Variants in GRM1 observed in about 807,000 individuals in gnomAD.
GRM1 encodes glutamate metabotropic receptor 1.
A neutral mutation model predicts 90.9 loss-of-function variants in GRM1; 33 were observed. That is an observed-to-expected ratio of 0.36 (90% CI 0.28 to 0.49). The LOEUF is 0.49. GRM1 is among the 20% of genes least tolerant of loss of function. The pLI is 0.99. For synonymous variants in GRM1, 700 were observed against 613.2 expected (o/e 1.14, Z -2.09); for missense variants, 1,190 against 1,534.3 (o/e 0.78, Z 3.75).
chr6:146,428,847 C>G (rs1002640157), intron 7 of GRM1, among the ~76,000 whole-genome samples: 1 of 152,118 alleles, frequency 6.6e-6, no homozygotes, highest in African/African-American at 2.4e-5. Flanking sequence ...GAATTCTATT[C>G]TTTAATATGA....
intron 2 of GRM1, among the ~76,000 whole-genome samples, chr6:146,253,104 G>A (rs987824912): frequency 6.6e-6 from 1 of 151,970 alleles, no homozygotes; most frequent in African/African-American, 2.4e-5. Context: ...AAAAATATTA[G>A]AATTTATTAT....
chr6:146,402,423 T>C (rs1246968867), intron 7 of GRM1, among the ~76,000 whole-genome samples: 1 of 152,200 alleles, frequency 6.6e-6, no homozygotes, highest in Non-Finnish European at 1.5e-5. Flanking sequence ...TACCTTTTTA[T>C]TGCCATTTTA....
chr6:146,305,967 A>G (rs1448023358), intron 3 of GRM1, among the ~76,000 whole-genome samples: 5 of 152,218 alleles, frequency 3.3e-5, no homozygotes, highest in East Asian at 1.9e-4. Flanking sequence ...GGCTAATTAC[A>G]TAAAATATTT....
At chr6:146,164,307 T>C (rs1161845779) in intron 2 of GRM1, among the ~76,000 whole-genome samples, 1 of 152,190 alleles carries the variant, frequency 6.6e-6, no homozygotes, top group Non-Finnish European at 1.5e-5. Context: ...AACTTACTAC[T>C]GAACCATATT....
At chr6:146,278,176 G>A (rs1782441087) in intron 2 of GRM1, among the ~76,000 whole-genome samples, 1 of 151,918 alleles carries the variant, frequency 6.6e-6, no homozygotes, top group South Asian at 2.1e-4. Context: ...ATATTTATTT[G>A]GAAGACTCAT....
At chr6:146,355,473 T>C (rs1339644685) in intron 4 of GRM1, among the ~76,000 whole-genome samples, 1 of 152,214 alleles carries the variant, frequency 6.6e-6, no homozygotes, top group Non-Finnish European at 1.5e-5. Flanking sequence ...AAGTGCATTT[T>C]GTTTACCTGG....
chr6:146,064,548 A>G (rs953842119), intron 1 of GRM1, among the ~76,000 whole-genome samples: 1 of 152,178 alleles, frequency 6.6e-6, no homozygotes, highest in African/African-American at 2.4e-5. Flanking sequence ...CTAAAATATG[A>G]TAATGCTTTT....
chr6:146,246,726 C>T (rs1781072465), intron 2 of GRM1, among the ~76,000 whole-genome samples: 1 of 152,104 alleles, frequency 6.6e-6, no homozygotes, highest in Non-Finnish European at 1.5e-5. Context: ...AAATAGGTAT[C>T]TGGATAATAG....
intron 1 of GRM1, among the ~76,000 whole-genome samples, chr6:146,066,947 A>G (rs1258407987): frequency 1.3e-5 from 2 of 152,152 alleles, no homozygotes; most frequent in African/African-American, 2.4e-5. Flanking sequence ...ATGTTAACAT[A>G]TTTATTCAGT....
At chr6:146,141,737 A>T (rs1188547642) in intron 1 of GRM1, among the ~76,000 whole-genome samples, 1 of 151,998 alleles carries the variant, frequency 6.6e-6, no homozygotes, top group East Asian at 1.9e-4. Context: ...ATTCTTTTTA[A>T]TTATTTCAAT....
chr6:146,370,125 G>A (rs1447565514), intron 5 of GRM1, among the ~76,000 whole-genome samples: 1 of 151,992 alleles, frequency 6.6e-6, no homozygotes, highest in African/African-American at 2.4e-5. Flanking sequence ...TGTTTCATCT[G>A]ATATGAGTAT....
rs567897848 is a variant in GRM1 at position 146,401,678 on chromosome 6, T to G, written c.2660+1979T>G. Among the ~76,000 whole-genome samples, 48 of 152,320 alleles carry G rather than the reference T, an allele frequency of 3.2e-4. 3 individuals carry two copies. The South Asian group carries it at 8.5e-3, about 27-fold the overall frequency. The stretch of plus-strand genomic sequence containing the variant: ...TTATTATGGTTCTTCAGAAGCTTCC[T>G]TGTAATTTTTAGGTATGGGTCATTT... On this transcript the variant is annotated intron_variant, in intron 7 of 7. Coordinates refer to ENST00000282753, the MANE Select transcript of GRM1 (RefSeq NM_001278064.2).
chr6:146,363,783 C>T (rs1401605282), intron 5 of GRM1, among the ~76,000 whole-genome samples: 3 of 152,198 alleles, frequency 2.0e-5, no homozygotes, highest in Non-Finnish European at 2.9e-5. Flanking sequence ...TGGAAATCAG[C>T]TAGATGAACT....
chr6:146,425,209 T>C (rs1415665728), intron 7 of GRM1, among the ~76,000 whole-genome samples: 3 of 152,238 alleles, frequency 2.0e-5, no homozygotes, highest in Non-Finnish European at 4.4e-5. Context: ...TCTGTTACAT[T>C]CAATGTGCTA....
chr6:146,373,776 T>G (rs1775991607), intron 5 of GRM1, among the ~76,000 whole-genome samples: 1 of 152,146 alleles, frequency 6.6e-6, no homozygotes, highest in Non-Finnish European at 1.5e-5. Context: ...AGTCCTTAGG[T>G]TTTCCCAAAT....
In GRM1 at chr6:146,434,486, C is replaced by T. The variant is rs1285341604; in HGVS notation, c.3275C>T (p.Pro1092Leu). ...LSTFGEELVSPPADDDDDSER... is the reference protein window; with the variant it reads ...LSTFGEELVSLPADDDDDSER... ...ACCTTTGGGGAGGAGCTGGTCTCCC[C>T]GCCCGCGGACGACGACGACGACAGC... is the stretch of plus-strand genomic sequence containing the variant. Residue 1092 changes from proline (P) to leucine (L), a missense_variant, in exon 8 of 8, where the codon CCG (proline) becomes CTG (leucine). Coordinates refer to ENST00000282753, the MANE Select transcript of GRM1 (RefSeq NM_001278064.2). 2.5e-6 allele frequency: 4 copies of T among 1,613,956 alleles called. No homozygotes were observed. The highest frequency in any genetic ancestry group is 1.1e-5 in the South Asian group (1 of 91,088).
intron 1 of GRM1, among the ~76,000 whole-genome samples, chr6:146,068,951 T>C (rs1166636293): frequency 6.6e-6 from 1 of 152,244 alleles, no homozygotes; most frequent in Non-Finnish European, 1.5e-5. Context: ...ATTTTTAATA[T>C]GAAATTTATG....
intron 1 of GRM1, among the ~76,000 whole-genome samples, chr6:146,106,859 C>T (rs1175027528): frequency 6.6e-6 from 1 of 152,222 alleles, no homozygotes; most frequent in Non-Finnish European, 1.5e-5. Flanking sequence ...GGTAACTCAG[C>T]TATTTAGCAT....
intron 1 of GRM1, among the ~76,000 whole-genome samples, chr6:146,140,090 A>ATTCTTT (rs1554272172): frequency 1.0e-4 from 6 of 57,838 alleles, no homozygotes; most frequent in Non-Finnish European, 1.6e-4. Flanking sequence ...TTCTTTCTTT[A>ATTCTTT]TTCTTTCTTT....
Sources: gnomAD v4.1 joint callset for allele counts (sites outside exome capture counted in the v4.1 genomes callset) on GRCh38, gnomAD v4.1.1 for gene constraint, MANE v1.5 for transcripts, NCBI Gene and HGNC (gene_info 2026-07-23, HGNC 2026-07-21) for gene names.